The following NOTCH2 variants were observed in gnomAD, a reference collection of about 807,000 sequenced individuals.
NOTCH2 encodes neurogenic locus notch homolog protein 2.
NOTCH2 carries 29 observed loss-of-function variants against 235.8 expected under a neutral mutation model. That is an observed-to-expected ratio of 0.12 (90% CI 0.09 to 0.17). The LOEUF (loss-of-function observed/expected upper bound fraction) is 0.17. Among genes scored for constraint, NOTCH2 ranks in the 10% least tolerant of loss-of-function variants. The probability of loss-of-function intolerance (pLI) is 1.00; values close to 1 mark genes in which losing one functional copy is unlikely to be tolerated. For synonymous variants in NOTCH2, 1,086 were observed against 1,141.5 expected, an observed-to-expected ratio of 0.95 and a Z score of 0.98; for missense variants, 2,285 against 3,150.2, an observed-to-expected ratio of 0.73 and a Z score of 6.57.
At chr1:119,941,777 G>A (rs2101106055) in intron 17 of NOTCH2, 23 bp from the exon 18 acceptor site, 1 of 1,533,108 alleles carries the variant, frequency 6.5e-7, no homozygotes, top group Non-Finnish European at 9.0e-7. Context: ...AAAAGAATTA[G>A]ACCTCTGAAG....
intron 13 of NOTCH2, among the ~76,000 whole-genome samples, chr1:119,954,342 T>G (rs1274018594): frequency 6.6e-6 from 1 of 152,238 alleles, no homozygotes; most frequent in Non-Finnish European, 1.5e-5. Context: ...CCTTGAAGGC[T>G]GCTATACTCT....
At chr1:119,930,404 G>T (rs1244334862) in intron 22 of NOTCH2, among the ~76,000 whole-genome samples, 1 of 149,988 alleles carries the variant, frequency 6.7e-6, no homozygotes, top group Non-Finnish European at 1.5e-5. Context: ...CATCTAGTAT[G>T]AATATCTGCA....
intron 21 of NOTCH2, 35 bp from the exon 22 acceptor site, chr1:119,935,639 G>T (rs782370343): frequency 1.9e-6 from 3 of 1,611,906 alleles, no homozygotes; most frequent in Non-Finnish European, 1.7e-6. Context: ...AAGAAATATT[G>T]GACCATTACT....
chr1:120,064,588 T>C (rs1655431335), intron 1 of NOTCH2, among the ~76,000 whole-genome samples: 1 of 152,062 alleles, frequency 6.6e-6, no homozygotes, highest in Admixed American at 6.5e-5. Context: ...GCCAGACAAG[T>C]TCTGTAGTAC....
intron 1 of NOTCH2, among the ~76,000 whole-genome samples, chr1:120,034,362 AAAG>A (rs1434899590): frequency 1.5e-5 from 2 of 133,662 alleles, no homozygotes; most frequent in South Asian, 2.4e-4. Context: ...AAAAAAGCAA[AAAG>A]AAGTAGTAGA....
At chr1:120,023,251 C>G (rs1653701826) in intron 2 of NOTCH2, among the ~76,000 whole-genome samples, 1 of 150,882 alleles carries the variant, frequency 6.6e-6, no homozygotes, top group Non-Finnish European at 1.5e-5. Context: ...TCCTGGCTAA[C>G]ACAGTGAAAC....
At chr1:120,065,352 A>C (rs1240301882) in intron 1 of NOTCH2, among the ~76,000 whole-genome samples, 2 of 152,322 alleles carry the variant, frequency 1.3e-5, no homozygotes, top group Non-Finnish European at 1.5e-5. Flanking sequence ...CATGCCAGGT[A>C]CAGGGGTAGG....
chr1:119,971,288 C>T (rs183814070), intron 5 of NOTCH2, among the ~76,000 whole-genome samples: 33 of 152,326 alleles, frequency 2.2e-4, no homozygotes, highest in Middle Eastern at 3.4e-3. Context: ...TCCGGAACTC[C>T]GTGCTCGGCA....
At chr1:119,921,673 A>T in intron 29 of NOTCH2, 40 bp downstream of exon 29, 2 of 1,538,854 alleles carry the variant, frequency 1.3e-6, no homozygotes, top group South Asian at 2.2e-5. Context: ...ATGTAACCAG[A>T]TAATGGCTGA....
chr1:119,939,118 T>C (rs948200604), intron 19 of NOTCH2, among the ~76,000 whole-genome samples: 1 of 151,792 alleles, frequency 6.6e-6, no homozygotes, highest in African/African-American at 2.4e-5. Flanking sequence ...GAAACTGGAG[T>C]CCCTGGAGAA....
rs1306686588 is a variant in NOTCH2 at position 120,066,163 on chromosome 1, C to T, written c.73+3171G>A. On this transcript the variant is annotated intron_variant, in intron 1 of 33. Coordinates refer to ENST00000256646, the MANE Select transcript of NOTCH2 (RefSeq NM_024408.4). ...ATGACATTATATTCTATATCTCTTA[C>T]GTTAGCAATTTTTAAATTCCTTGAG... is the stretch of plus-strand genomic sequence containing the variant. Among the ~76,000 whole-genome samples the T allele has an allele frequency of 4.6e-5, 7 of 152,170 alleles. No homozygotes were observed. The East Asian group carries it at 7.7e-4, about 17-fold the overall frequency.
At chr1:120,008,758 A>G (rs587614824) in intron 2 of NOTCH2, among the ~76,000 whole-genome samples, 4 of 152,334 alleles carry the variant, frequency 2.6e-5, no homozygotes, top group Non-Finnish European at 5.9e-5. Context: ...TATTAAACTT[A>G]TAATCATTCA....
Position 119,969,542 on chromosome 1 carries a change from G to A in NOTCH2, c.1077C>T (p.Ser359=), listed in dbSNP as rs1205456499. The A allele has an allele frequency of 6.2e-7, 1 of 1,613,886 alleles. No homozygotes were observed. Among genetic ancestry groups the A allele is most frequent in the Non-Finnish European group, 8.5e-7 (1 of 1,179,960 alleles). Residue 359 remains serine, a synonymous_variant, in exon 6 of 34, where the codon TCC becomes TCT. Transcript: ENST00000256646. ...PGSTCIDRVA[S]FSCMCPEGKA... Reference sequence around the variant, plus strand: ...TCCCCTCTGGGCACATGCAAGAGAAGGAGGCCACACGGTCGATGCAGGTGG... The same window carrying A: ...TCCCCTCTGGGCACATGCAAGAGAAAGAGGCCACACGGTCGATGCAGGTGG...
rs1412364916 is a variant in NOTCH2 at position 119,965,322 on chromosome 1, G to C, written c.1681+131C>G. On this transcript the variant is annotated intron_variant, in intron 10 of 33. Coordinates refer to ENST00000256646, the MANE Select transcript of NOTCH2 (RefSeq NM_024408.4). ...AGCAGCAAAAAATTTGTTAGAAACA[G>C]CTCTTCCTAAACACAGAGGAGCCTC... 6.2e-6 allele frequency: 5 copies of C among 810,088 alleles called. No homozygotes were observed. The South Asian group carries it at 6.7e-5, about 11-fold the overall frequency. The allele number at this position is 810,088 out of a possible 1,614,324, so 50.2% of individuals were successfully genotyped here. A position where few individuals can be genotyped will look rare whatever the true frequency, so the allele number is the denominator to read the frequency against.
At chr1:119,959,344 C>T (rs1251685202) in intron 12 of NOTCH2, 48 bp downstream of exon 12, 1 of 1,021,504 alleles carries the variant, frequency 9.8e-7, no homozygotes, top group African/African-American at 1.6e-5. Flanking sequence ...GCTATATTCC[C>T]AAAGTGATAG....
At chr1:119,936,650 T>C (rs1489917392) in intron 21 of NOTCH2, among the ~76,000 whole-genome samples, 1 of 152,154 alleles carries the variant, frequency 6.6e-6, no homozygotes, top group Non-Finnish European at 1.5e-5. Flanking sequence ...TATATAACAA[T>C]AGAGAAGCAA....
chr1:120,037,992 A>C (rs1265623831), intron 1 of NOTCH2, among the ~76,000 whole-genome samples: 2 of 152,158 alleles, frequency 1.3e-5, no homozygotes, highest in African/African-American at 4.8e-5. Flanking sequence ...ATCTAGAATA[A>C]TTTTTGGTTT....
intron 6 of NOTCH2, 51 bp from the exon 7 acceptor site, chr1:119,968,283 G>C: frequency 6.3e-7 from 1 of 1,584,466 alleles, no homozygotes; most frequent in Non-Finnish European, 8.6e-7. Context: ...CTCTCACTTG[G>C]GGAAGAGCTT....
chr1:119,916,507 G>C lies in NOTCH2; in HGVS notation c.6215C>G (p.Pro2072Arg). ...LDEYNVTPSPPGTVLTSALSP... is the reference protein window; with the variant it reads ...LDEYNVTPSPRGTVLTSALSP... ...GAGAGCAGAAGTCAACACGGTGCCTGGAGGGCTTGGGGTCACATTGTATTC... is the reference window on the plus strand; with the variant it reads ...GAGAGCAGAAGTCAACACGGTGCCTCGAGGGCTTGGGGTCACATTGTATTC... The change falls in exon 34 of 34, where the codon CCA becomes CGA. Residue 2072 changes from proline to arginine, a missense_variant. By Grantham distance (103) the Pro-to-Arg change is moderately radical (BLOSUM62 -2). Around this residue, in one of 6 missense-constraint regions of NOTCH2, gnomAD observed 504 missense variants for 538.0 expected, o/e 0.94. Coordinates refer to ENST00000256646, the MANE Select transcript of NOTCH2 (RefSeq NM_024408.4). 6.2e-7 allele frequency: 1 copy of C among 1,612,584 alleles called. No individual in the cohort carries two copies. The highest frequency in any genetic ancestry group is 8.5e-7 in the Non-Finnish European group (1 of 1,178,636).
Sources: allele counts gnomAD v4.1 joint callset (sites outside exome capture counted in the v4.1 genomes callset), GRCh38; gene constraint gnomAD v4.1.1; regional missense constraint gnomAD v4.1.1; transcripts MANE v1.5; gene names NCBI Gene and HGNC (gene_info 2026-07-23, HGNC 2026-07-21).